Variants in VPS36 observed in about 807,000 individuals in gnomAD.
VPS36 encodes the protein vacuolar protein sorting 36 homolog.
A neutral mutation model predicts 63.5 loss-of-function variants in VPS36; 31 were observed. The ratio of observed to expected loss-of-function variants is 0.49; its 90% CI spans 0.37 to 0.66. The LOEUF (loss-of-function observed/expected upper bound fraction) is 0.66. Ranked by LOEUF, VPS36 falls within the 30% of genes least tolerant of loss-of-function variation. VPS36 has a pLI of 0.00. For missense variants in VPS36, 338 were observed against 463.7 expected (o/e 0.73, Z 2.49); for synonymous variants, 138 against 157.2 (o/e 0.88, Z 0.91).
chr13:52,449,854 G>T, intron 1 of VPS36: 1 of 871,504 alleles, frequency 1.1e-6, no homozygotes, highest in Non-Finnish European at 1.4e-6. Context: ...CGCTCAGAAC[G>T]CCTTTCTAAA....
chr13:52,444,882 C>A (rs912542386), intron 1 of VPS36, among the ~76,000 whole-genome samples: 1 of 152,054 alleles, frequency 6.6e-6, no homozygotes, highest in African/African-American at 2.4e-5. Flanking sequence ...TAACTCTGAA[C>A]TATATATAAA....
Position 52,442,315 on chromosome 13 carries a change from T to C in VPS36, c.165+62A>G, listed in dbSNP as rs905618295. ...CAGCCTAGGCAATACAGCGAGACCC[T>C]GTCTCTAAAAAATAAATAAACAAAA... On this transcript the variant is annotated intron_variant, in intron 2 of 13. Transcript: ENST00000378060. 3.4e-6 allele frequency: 5 copies of C among 1,469,390 alleles called. No homozygotes were observed. The African/African-American group carries it at 7.1e-5, about 21-fold the overall frequency. 91.0% of individuals were successfully genotyped at this position (1,469,390 alleles called of 1,614,324 possible).
chr13:52,423,828 T>C lies in VPS36; in HGVS notation c.775-189A>G, dbSNP rs76444400. Among the ~76,000 whole-genome samples, 1,047 of 152,260 alleles carry C rather than the reference T, an allele frequency of 6.9e-3. 18 individuals are homozygous for C. The highest frequency in any genetic ancestry group is 0.024 in the African/African-American group (1,001 of 41,560). ...AGGCAGTTTAGATTCAATACTTGCA[T>C]TTTAATGTCATTACCACTTTATTTT... On this transcript the variant is annotated intron_variant, in intron 9 of 13. Coordinates refer to ENST00000378060, the MANE Select transcript of VPS36 (RefSeq NM_016075.4).
intron 3 of VPS36, among the ~76,000 whole-genome samples, chr13:52,437,119 C>CA (rs1958227014): frequency 6.6e-6 from 1 of 151,710 alleles, no homozygotes; most frequent in African/African-American, 2.4e-5. Flanking sequence ...CTAAAAAACT[C>CA]AAAGTATCCC....
intron 6 of VPS36, chr13:52,429,144 C>T (rs1164460775): frequency 1.9e-6 from 1 of 516,136 alleles, no homozygotes; most frequent in African/African-American, 2.1e-5. Context: ...CACCTATAGT[C>T]AAATTTCCAC....
chr13:52,445,519 G>A (rs1177525471), intron 1 of VPS36, among the ~76,000 whole-genome samples: 1 of 149,440 alleles, frequency 6.7e-6, no homozygotes, highest in Non-Finnish European at 1.5e-5. Flanking sequence ...GGCACCTGTA[G>A]TCCCAGCTAT....
In VPS36 at chr13:52,427,123, C is replaced by A. The variant is rs966696614; in HGVS notation, c.562-57G>T. The stretch of plus-strand genomic sequence containing the variant: ...CTATTGTCCCCAAAATGTCTGCTAA[C>A]AAAATATATTTCAAAAACTGTATCA... On this transcript the variant is annotated intron_variant, in intron 7 of 13. Coordinates refer to ENST00000378060, the MANE Select transcript of VPS36 (RefSeq NM_016075.4). The A allele has an allele frequency of 3.1e-5, 49 of 1,604,364 alleles. No homozygotes were observed. The South Asian group carries it at 5.5e-4, about 18-fold the overall frequency.
intron 4 of VPS36, 89 bp from the exon 5 acceptor site, chr13:52,434,971 C>CTTT (rs869257101): frequency 3.3e-4 from 263 of 808,520 alleles, no homozygotes; most frequent in Middle Eastern, 4.4e-4. Context: ...TTCTTTTTTT[C>CTTT]TTTTTTTTTT....
At chr13:52,447,399 C>T (rs1171789648) in intron 1 of VPS36, among the ~76,000 whole-genome samples, 1 of 152,098 alleles carries the variant, frequency 6.6e-6, no homozygotes, top group African/African-American at 2.4e-5. Flanking sequence ...TATATGCTGC[C>T]AACTTGCCAC....
chr13:52,446,194 A>G (rs1234708146), intron 1 of VPS36, among the ~76,000 whole-genome samples: 4 of 151,814 alleles, frequency 2.6e-5, no homozygotes, highest in Non-Finnish European at 5.9e-5. Context: ...TGAACCCGGG[A>G]AGCAGAGGTT....
At chr13:52,420,269 T>G (rs1163399446) in intron 10 of VPS36, among the ~76,000 whole-genome samples, 1 of 151,500 alleles carries the variant, frequency 6.6e-6, no homozygotes, top group African/African-American at 2.4e-5. Flanking sequence ...GAATAAGATA[T>G]AGCATTCAGT....
chr13:52,417,022 A>G (rs773288499), intron 12 of VPS36, 35 bp downstream of exon 12: 18 of 1,574,156 alleles, frequency 1.1e-5, no homozygotes, highest in South Asian at 1.0e-4. Flanking sequence ...CTTCATAGCA[A>G]GCTCTAAAGA....
In VPS36 at chr13:52,414,355, G is replaced by T. The variant is rs1957973743; in HGVS notation, c.*1475C>A. On this transcript the variant is annotated 3_prime_UTR_variant, in exon 14 of 14. Transcript: ENST00000378060. ...ATAAACCTGAGGCTGAGCAATGGGG[G>T]AACCAGAGGATCTGTCACCACAATG... The T allele has an allele frequency of 6.6e-6, 1 of 152,190 alleles. No individual in the cohort carries two copies. The highest frequency in any genetic ancestry group is 6.5e-5 in the Admixed American group (1 of 15,270). 9.4% of individuals were successfully genotyped at this position (152,190 alleles called of 1,614,324 possible).
At chr13:52,436,121 C>T (rs1594120629) in intron 4 of VPS36, 169 bp downstream of exon 4, 3 of 483,040 alleles carry the variant, frequency 6.2e-6, no homozygotes, top group South Asian at 4.7e-5. Context: ...TCTCCACTCA[C>T]TGCTAAGGCT....
chr13:52,425,108 C>T (rs1189037017), intron 9 of VPS36, among the ~76,000 whole-genome samples: 5 of 151,342 alleles, frequency 3.3e-5, no homozygotes, highest in South Asian at 2.1e-4. Flanking sequence ...ATTAGCCGGG[C>T]GCAGTGGGGT....
chr13:52,448,454 CAG>C (rs1958367300), intron 1 of VPS36, among the ~76,000 whole-genome samples: 1 of 152,174 alleles, frequency 6.6e-6, no homozygotes, highest in Non-Finnish European at 1.5e-5. Flanking sequence ...TCACTAAGTC[CAG>C]CTTTGGGGCA....
In VPS36 at chr13:52,415,905, C is replaced by T. The variant is rs1316534257; in HGVS notation, c.1086G>A (p.Lys362=). 1 of 1,614,022 alleles carries T rather than the reference C, an allele frequency of 6.2e-7. No individual in the cohort carries two copies. The highest frequency in any genetic ancestry group is 1.7e-5 in the Admixed American group (1 of 60,008). ...AGTCATCACGGCAAAGATGGCCCAT[C>T]TTCTCTGCAAGCAGCAACCTAAAAA... ...LAKERLLLAE[K]MGHLCRDDSV... The change falls in exon 14 of 14, where the codon AAG becomes AAA. Residue 362 remains lysine, a synonymous_variant. Coordinates refer to ENST00000378060, the MANE Select transcript of VPS36 (RefSeq NM_016075.4).
chr13:52,418,679 T>C (rs1342899975), intron 10 of VPS36, among the ~76,000 whole-genome samples: 1 of 151,112 alleles, frequency 6.6e-6, no homozygotes, highest in Non-Finnish European at 1.5e-5. Flanking sequence ...CAACATATAA[T>C]CAATACAAAA....
At chr13:52,448,254 T>A (rs1313376636) in intron 1 of VPS36, among the ~76,000 whole-genome samples, 4 of 152,180 alleles carry the variant, frequency 2.6e-5, no homozygotes, top group Non-Finnish European at 4.4e-5. Flanking sequence ...CAGTGAGGCA[T>A]CCTAAAAGGG....
Sources: allele counts gnomAD v4.1 joint callset (sites outside exome capture counted in the v4.1 genomes callset), GRCh38; gene constraint gnomAD v4.1.1; transcripts MANE v1.5; gene names NCBI Gene and HGNC (gene_info 2026-07-23, HGNC 2026-07-21).